The following BORCS5 variants were observed in gnomAD, a reference collection of about 807,000 sequenced individuals.
The protein encoded by BORCS5 is BLOC-1-related complex subunit 5.
BORCS5 carries 17 observed loss-of-function variants against 22.1 expected under a neutral mutation model. The ratio of observed to expected loss-of-function variants is 0.77; its 90% confidence interval spans 0.53 to 1.15. The LOEUF (loss-of-function observed/expected upper bound fraction) is 1.15, where lower values mean the gene tolerates loss of function less well. BORCS5 is among the 50% of genes most tolerant of loss of function. BORCS5 has a pLI of 0.00. For missense variants in BORCS5, 247 were observed against 253.2 expected, an observed-to-expected ratio of 0.98 and a Z score of 0.17; for synonymous variants, 117 against 99.8, an observed-to-expected ratio of 1.17 and a Z score of -1.03.
intron 2 of BORCS5, among the ~76,000 whole-genome samples, chr12:12,433,202 G>A (rs1177543396): frequency 6.6e-6 from 1 of 151,632 alleles, no homozygotes; most frequent in Non-Finnish European, 1.5e-5. Flanking sequence ...AGGAATGGTG[G>A]CACATGCCTG....
intron 2 of BORCS5, among the ~76,000 whole-genome samples, chr12:12,393,747 T>C (rs1197277716): frequency 0.062 from 2 of 32 alleles, no homozygotes; most frequent in African/African-American, 0.2. Context: ...CTTGAACTCC[T>C]GACTTCAGGT....
chr12:12,463,022 C>T (rs917210981), intron 3 of BORCS5, among the ~76,000 whole-genome samples: 5 of 152,092 alleles, frequency 3.3e-5, no homozygotes, highest in African/African-American at 1.2e-4. Context: ...TCTGCTTATC[C>T]AGAAGACAAT....
chr12:12,370,575 C>T (rs1863504237), intron 2 of BORCS5, among the ~76,000 whole-genome samples: 1 of 152,108 alleles, frequency 6.6e-6, no homozygotes, highest in African/African-American at 2.4e-5. Context: ...AGTTTATATT[C>T]TATTGGAAGG....
intron 2 of BORCS5, among the ~76,000 whole-genome samples, chr12:12,406,445 T>C (rs1258114015): frequency 6.6e-6 from 1 of 152,204 alleles, no homozygotes; most frequent in Non-Finnish European, 1.5e-5. Flanking sequence ...CAATCCTGTT[T>C]CCCATTACCC....
At chr12:12,416,672 G>A (rs982130629) in intron 2 of BORCS5, among the ~76,000 whole-genome samples, 4 of 151,632 alleles carry the variant, frequency 2.6e-5, no homozygotes, top group Admixed American at 1.3e-4. Flanking sequence ...GGTTGCCCAA[G>A]CTCTTCTCGA....
chr12:12,404,701 G>C (rs1368590268), intron 2 of BORCS5, among the ~76,000 whole-genome samples: 1 of 152,062 alleles, frequency 6.6e-6, no homozygotes, highest in African/African-American at 2.4e-5. Context: ...GTTTTGGTTT[G>C]GTTTTTTGTT....
chr12:12,376,605 CTTATG>C (rs980465484), intron 2 of BORCS5, among the ~76,000 whole-genome samples: 18 of 152,202 alleles, frequency 1.2e-4, no homozygotes, highest in East Asian at 7.7e-4. Flanking sequence ...TTCAGTAAAT[CTTATG>C]TTATGTCAAA....
At chr12:12,454,018 T>C (rs1038245955) in intron 3 of BORCS5, among the ~76,000 whole-genome samples, 1 of 152,248 alleles carries the variant, frequency 6.6e-6, no homozygotes, top group African/African-American at 2.4e-5. Context: ...GTATCTCATA[T>C]CTTTTTATGG....
At position 12,357,170 on chromosome 12, in the gene BORCS5, C is replaced by T. The variant is rs1863157562; in HGVS notation, c.-282C>T. 3.9e-6 allele frequency: 6 copies of T among 1,528,612 alleles called. No homozygotes were observed. The highest frequency in any genetic ancestry group is 5.2e-6 in the Non-Finnish European group (6 of 1,143,902). 94.7% of individuals were successfully genotyped at this position (1,528,612 alleles called of 1,614,324 possible). A position where few individuals can be genotyped will look rare whatever the true frequency, so the allele number is the denominator to read the frequency against. On this transcript the variant is annotated 5_prime_UTR_variant, in exon 1 of 4. Transcript: ENST00000314565. ...GCCGCAGGTGCGGCAAAGCCAGTGT[C>T]ATCTGCCGGTTCTCTTAGGGCTCCC...
intron 2 of BORCS5, among the ~76,000 whole-genome samples, chr12:12,389,705 A>T (rs1035373306): frequency 6.6e-6 from 1 of 152,044 alleles, no homozygotes; most frequent in Admixed American, 6.6e-5. Context: ...GTGCGGTGGC[A>T]TGATCTTGGC....
intron 2 of BORCS5, among the ~76,000 whole-genome samples, chr12:12,420,729 C>T (rs1046441190): frequency 7.3e-5 from 11 of 151,598 alleles, no homozygotes; most frequent in African/African-American, 1.2e-4. Flanking sequence ...GTTATTTCAT[C>T]GAGCAGTGGT....
intron 3 of BORCS5, chr12:12,452,244 T>A (rs762536249): frequency 5.2e-6 from 4 of 775,454 alleles, no homozygotes; most frequent in Non-Finnish European, 8.7e-6. Flanking sequence ...AGCCTCAGAT[T>A]TTTCCAGCTT....
Position 12,470,412 on chromosome 12 carries a change from G to C in BORCS5, c.*4636G>C, listed in dbSNP as rs187999613. On this transcript the variant is annotated 3_prime_UTR_variant, in exon 4 of 4. Coordinates refer to ENST00000314565, the MANE Select transcript of BORCS5 (RefSeq NM_058169.6). ...GCTGCTCCCCATCACTCACATCACTGCCTGAGCTCCACCTCCTGTCAGAAC... is the reference window on the plus strand; with the variant it reads ...GCTGCTCCCCATCACTCACATCACTCCCTGAGCTCCACCTCCTGTCAGAAC... Among the ~76,000 whole-genome samples the C allele has an allele frequency of 8.6e-3, 1,306 of 152,196 alleles. 22 individuals carry two copies. Among genetic ancestry groups the C allele is most frequent in the African/African-American group, 0.029 (1,223 of 41,514 alleles).
At chr12:12,423,055 G>T (rs1297941832) in intron 2 of BORCS5, among the ~76,000 whole-genome samples, 1 of 151,526 alleles carries the variant, frequency 6.6e-6, no homozygotes, top group Admixed American at 6.6e-5. Context: ...AGGCTGGAGT[G>T]CAGTGGCGTG....
chr12:12,414,680 C>CT (rs1941871759), intron 2 of BORCS5, among the ~76,000 whole-genome samples: 1 of 79,116 alleles, frequency 1.3e-5, no homozygotes, highest in African/African-American at 6.7e-5. Flanking sequence ...GCTGGCCGGG[C>CT]GGGGGGCTGA....
chr12:12,401,646 T>G (rs1455137331), intron 2 of BORCS5, among the ~76,000 whole-genome samples: 1 of 152,192 alleles, frequency 6.6e-6, no homozygotes, highest in African/African-American at 2.4e-5. Flanking sequence ...TATTTTTCCT[T>G]CTAGTGTAGA....
In BORCS5 at chr12:12,377,192, T is replaced by TC. The variant is rs1863674469; in HGVS notation, c.202+15844dup. On this transcript the variant is annotated intron_variant, in intron 2 of 3. Coordinates refer to ENST00000314565, the MANE Select transcript of BORCS5 (RefSeq NM_058169.6). ...GATTTTGTCCTTTTTTTTTTTTTTTTCTCGAGACGGAGTCTTGCTCTGTTG... is the reference window on the plus strand; with the variant it reads ...GATTTTGTCCTTTTTTTTTTTTTTTTCCTCGAGACGGAGTCTTGCTCTGTTG... 4.0e-5 allele frequency among the ~76,000 whole-genome samples: 6 copies of TC among 149,006 alleles called. No homozygotes were observed. In the South Asian group the frequency reaches 8.5e-4, roughly 21 times the overall value.
intron 2 of BORCS5, among the ~76,000 whole-genome samples, chr12:12,426,099 C>G (rs1309437680): frequency 1.3e-5 from 2 of 152,184 alleles, no homozygotes; most frequent in East Asian, 3.8e-4. Flanking sequence ...AAATGGCAAT[C>G]CTTGGATTCC....
chr12:12,358,958 A>G (rs1245255816), intron 1 of BORCS5, among the ~76,000 whole-genome samples: 1 of 152,218 alleles, frequency 6.6e-6, no homozygotes, highest in Non-Finnish European at 1.5e-5. Context: ...GAGGCAGAAC[A>G]GTTCTATGGC....
Sources: allele counts gnomAD v4.1 joint callset (sites outside exome capture counted in the v4.1 genomes callset), GRCh38; gene constraint gnomAD v4.1.1; transcripts MANE v1.5; gene names NCBI Gene and HGNC (gene_info 2026-07-23, HGNC 2026-07-21).